The following CDH6 variants were observed in gnomAD, a reference collection of about 807,000 sequenced individuals.
CDH6 encodes the protein cadherin-6.
Under a neutral mutation model 78.0 loss-of-function variants are expected in CDH6, and 31 were observed. The ratio of observed to expected loss-of-function variants is 0.40; its 90% CI spans 0.30 to 0.54. The LOEUF is 0.54. Ranked by LOEUF, CDH6 falls within the 20% of genes least tolerant of loss-of-function variation. The probability of loss-of-function intolerance (pLI) is 0.56; values close to 1 mark genes in which losing one functional copy is unlikely to be tolerated. For missense variants in CDH6, 724 were observed against 975.9 expected, an observed-to-expected ratio of 0.74 and a Z score of 3.44; for synonymous variants, 376 against 368.8, an observed-to-expected ratio of 1.02 and a Z score of -0.23.
At chr5:31,276,423 C>G (rs1030328830) in intron 2 of CDH6, among the ~76,000 whole-genome samples, 5 of 151,894 alleles carry the variant, frequency 3.3e-5, no homozygotes, top group African/African-American at 1.2e-4. Context: ...AAAAGAGAGG[C>G]ATTTTAAAAG....
intron 1 of CDH6, among the ~76,000 whole-genome samples, chr5:31,266,316 T>C (rs1446763615): frequency 1.3e-5 from 2 of 152,198 alleles, no homozygotes; most frequent in Admixed American, 6.5e-5. Flanking sequence ...AAAAGTATAA[T>C]AGCTGACTTT....
At chr5:31,302,415 A>G (rs549934589) in intron 6 of CDH6, 117 bp downstream of exon 6, 2 of 840,502 alleles carry the variant, frequency 2.4e-6, no homozygotes, top group Non-Finnish European at 3.5e-6. Flanking sequence ...TATTTTACTT[A>G]TTATTTTCAG....
chr5:31,237,250 G>A (rs549658326), intron 1 of CDH6, among the ~76,000 whole-genome samples: 80 of 152,206 alleles, frequency 5.3e-4, no homozygotes, highest in Non-Finnish European at 4.4e-4. Flanking sequence ...GCTAAAAGGA[G>A]CTCTCAGTAG....
Position 31,317,755 on chromosome 5 carries a change from A to G in CDH6, c.1713A>G (p.Ser571=), listed in dbSNP as rs1213643784. 1 of 1,614,090 alleles carries G rather than the reference A, an allele frequency of 6.2e-7. No individual in the cohort carries two copies. Among genetic ancestry groups the G allele is most frequent in the Non-Finnish European group, 8.5e-7 (1 of 1,180,048 alleles). The change falls in exon 11 of 12, where the codon TCA becomes TCG. Residue 571 remains serine (S), a synonymous_variant. Coordinates refer to ENST00000265071, the MANE Select transcript of CDH6 (RefSeq NM_004932.4). ...CCTATCTCTTGCCTGTGGTCATTTCAGACAACGACTACCCAGTTCAAAGCA... is the reference window on the plus strand; with the variant it reads ...CCTATCTCTTGCCTGTGGTCATTTCGGACAACGACTACCCAGTTCAAAGCA... ...MSTYLLPVVI[S]DNDYPVQSST... is the part of the protein sequence containing the mutation.
intron 5 of CDH6, 51 bp downstream of exon 5, chr5:31,299,682 G>A (rs774413104): frequency 1.7e-5 from 25 of 1,471,766 alleles, no homozygotes; most frequent in South Asian, 2.3e-5. Flanking sequence ...TATAAAACTC[G>A]AACTTTAAGA....
At chr5:31,270,386 C>CA (rs1023586819) in intron 2 of CDH6, among the ~76,000 whole-genome samples, 7 of 151,956 alleles carry the variant, frequency 4.6e-5, no homozygotes, top group Admixed American at 1.3e-4. Flanking sequence ...CGTAAATTGA[C>CA]AAAAAAAATT....
intron 1 of CDH6, among the ~76,000 whole-genome samples, chr5:31,223,901 A>G (rs1741067871): frequency 6.6e-6 from 1 of 152,232 alleles, no homozygotes; most frequent in African/African-American, 2.4e-5. Context: ...GCATAGAGAA[A>G]GATTTATCAA....
At chr5:31,197,561 T>C (rs1740203440) in intron 1 of CDH6, among the ~76,000 whole-genome samples, 1 of 152,210 alleles carries the variant, frequency 6.6e-6, no homozygotes, top group Admixed American at 6.5e-5. Flanking sequence ...AAACTTTCTC[T>C]GGTTTAAATA....
chr5:31,252,996 A>C (rs925045101), intron 1 of CDH6, among the ~76,000 whole-genome samples: 8 of 152,258 alleles, frequency 5.3e-5, no homozygotes, highest in Admixed American at 4.6e-4. Context: ...CAAAAATACC[A>C]TGGACTAAGT....
intron 2 of CDH6, among the ~76,000 whole-genome samples, chr5:31,277,112 G>A (rs1742720943): frequency 2.0e-5 from 3 of 152,130 alleles, no homozygotes; most frequent in South Asian, 2.1e-4. Context: ...CAGCAATTCG[G>A]GGCATGAGTT....
chr5:31,231,247 A>G (rs1355505163), intron 1 of CDH6, among the ~76,000 whole-genome samples: 1 of 152,176 alleles, frequency 6.6e-6, no homozygotes, highest in Non-Finnish European at 1.5e-5. Flanking sequence ...GCGTATCTCC[A>G]TAGTGGTTTA....
chr5:31,313,438 G>A lies in CDH6; in HGVS notation c.1374G>A (p.Val458=), dbSNP rs966245834. 9.3e-6 allele frequency: 15 copies of A among 1,613,626 alleles called. No individual in the cohort carries two copies. The highest frequency in any genetic ancestry group is 1.3e-5 in the Non-Finnish European group (15 of 1,179,780). Residue 458 remains valine, a synonymous_variant, in exon 8 of 12, where the codon GTG becomes GTA. Transcript: ENST00000265071. ...CACTGCTATGGCACAACATTACAGT[G>A]ATAGCAACAGAGATCAGTAAGTCCT... The part of the protein sequence containing the change: ...RETLLWHNIT[V]IATEINNPKQ...
At chr5:31,210,358 G>T (rs1011114216) in intron 1 of CDH6, among the ~76,000 whole-genome samples, 7 of 152,022 alleles carry the variant, frequency 4.6e-5, no homozygotes, top group Middle Eastern at 3.2e-3. Context: ...ACAAAAATTT[G>T]CCGGGCATGG....
At chr5:31,251,365 C>T (rs1741902593) in intron 1 of CDH6, 1 of 152,392 alleles carries the variant, frequency 6.6e-6, no homozygotes, top group South Asian at 2.1e-4. Context: ...CTGCAATCCT[C>T]ACCGCTTGGG....
chr5:31,239,057 T>A (rs1291816996), intron 1 of CDH6, among the ~76,000 whole-genome samples: 1 of 152,248 alleles, frequency 6.6e-6, no homozygotes, highest in African/African-American at 2.4e-5. Flanking sequence ...GGTTAGGGCA[T>A]CTATTTCAAT....
At chr5:31,322,452 G>C (rs537148691) in intron 11 of CDH6, among the ~76,000 whole-genome samples, 4 of 152,224 alleles carry the variant, frequency 2.6e-5, no homozygotes, top group African/African-American at 7.2e-5. Flanking sequence ...GAGCATTTTA[G>C]GTGTTCAGCA....
chr5:31,302,955 G>GAAAGAAAGAAAGAA (rs1390790947), intron 6 of CDH6, among the ~76,000 whole-genome samples: 1 of 122,398 alleles, frequency 8.2e-6, no homozygotes, highest in African/African-American at 2.8e-5. Flanking sequence ...AAGAAAGAAA[G>GAAAGAAAGAAAGAA]AAGGAAAGAA....
At chr5:31,235,067 TTGAGATAC>T (rs1741414730) in intron 1 of CDH6, among the ~76,000 whole-genome samples, 1 of 152,228 alleles carries the variant, frequency 6.6e-6, no homozygotes. Context: ...ATTTTAGATT[TTGAGATAC>T]TGAGCGAGTT....
At chr5:31,239,394 G>A (rs1741536648) in intron 1 of CDH6, among the ~76,000 whole-genome samples, 1 of 152,072 alleles carries the variant, frequency 6.6e-6, no homozygotes, top group African/African-American at 2.4e-5. Flanking sequence ...AGTTATTGCT[G>A]GGATACTTCT....
Sources: gnomAD v4.1 joint callset for allele counts (sites outside exome capture counted in the v4.1 genomes callset) on GRCh38, gnomAD v4.1.1 for gene constraint, MANE v1.5 for transcripts, NCBI Gene and HGNC (gene_info 2026-07-23, HGNC 2026-07-21) for gene names.